Variants in PSMA8 observed in about 807,000 individuals in gnomAD.
PSMA8 encodes the protein proteasome 20S subunit alpha 8, also known as proteasome subunit alpha-type 8.
A neutral mutation model predicts 32.4 loss-of-function variants in PSMA8; 18 were observed. The observed-to-expected ratio is 0.56, with a 90% CI of 0.38 to 0.82. PSMA8 has a LOEUF of 0.82. Ranked by LOEUF, PSMA8 falls within the 40% of genes least tolerant of loss-of-function variation. The pLI is 0.00. For missense variants in PSMA8, 298 were observed against 300.7 expected, an observed-to-expected ratio of 0.99 and a Z score of 0.07; for synonymous variants, 104 against 98.1, an observed-to-expected ratio of 1.06 and a Z score of -0.36.
At chr18:26,151,267 A>G (rs1032640973) in intron 2 of PSMA8, among the ~76,000 whole-genome samples, 2 of 152,242 alleles carry the variant, frequency 1.3e-5, no homozygotes, top group Non-Finnish European at 2.9e-5. Flanking sequence ...GAGGAGGGAA[A>G]GAAACAAAGT....
chr18:26,154,602 T>G, intron 3 of PSMA8, among the ~76,000 whole-genome samples: 1 of 151,936 alleles, frequency 6.6e-6, no homozygotes, highest in South Asian at 2.1e-4. Flanking sequence ...TTTTGGGTTT[T>G]TTGTTTGTTT....
chr18:26,173,541 T>G (rs1016085964), intron 4 of PSMA8, among the ~76,000 whole-genome samples: 1 of 151,928 alleles, frequency 6.6e-6, no homozygotes, highest in African/African-American at 2.4e-5. Context: ...GGTCTATGAG[T>G]GCAGGGATTT....
At chr18:26,167,304 A>G (rs947941625) in intron 4 of PSMA8, among the ~76,000 whole-genome samples, 4 of 152,198 alleles carry the variant, frequency 2.6e-5, no homozygotes, top group Non-Finnish European at 4.4e-5. Flanking sequence ...ACATATTGCA[A>G]TATGTTGAAT....
At chr18:26,177,079 A>G (rs1321670931) in intron 4 of PSMA8, among the ~76,000 whole-genome samples, 1 of 152,198 alleles carries the variant, frequency 6.6e-6, no homozygotes, top group Non-Finnish European at 1.5e-5. Flanking sequence ...ATAGTGTATC[A>G]AGTTAAAAGC....
intron 1 of PSMA8, among the ~76,000 whole-genome samples, chr18:26,138,979 T>C (rs2076363016): frequency 6.6e-6 from 1 of 152,162 alleles, no homozygotes; most frequent in African/African-American, 2.4e-5. Context: ...GAGGTTGAGA[T>C]GCTTATGGAA....
rs544008173 is a variant in PSMA8 at position 26,187,162 on chromosome 18, T to C, written c.661-5157T>C. ...CAGTTTGAGATTAGCCTGGCCAACATGGTGAAAACCCATCTCTACTAAAAA... is the reference window on the plus strand; with the variant it reads ...CAGTTTGAGATTAGCCTGGCCAACACGGTGAAAACCCATCTCTACTAAAAA... On this transcript the variant is annotated intron_variant, in intron 6 of 6. Coordinates refer to ENST00000415576, the MANE Select transcript of PSMA8 (RefSeq NM_001025096.2). Among the ~76,000 whole-genome samples the C allele has an allele frequency of 6.1e-4, 93 of 152,272 alleles. 1 individual carries two copies. Among genetic ancestry groups the C allele is most frequent in the African/African-American group, 2.2e-3 (90 of 41,566 alleles).
intron 4 of PSMA8, among the ~76,000 whole-genome samples, chr18:26,177,079 A>C (rs1321670931): frequency 6.6e-6 from 1 of 152,198 alleles, no homozygotes; most frequent in Non-Finnish European, 1.5e-5. Flanking sequence ...ATAGTGTATC[A>C]AGTTAAAAGC....
intron 1 of PSMA8, chr18:26,140,179 G>A (rs973257367): frequency 8.5e-6 from 6 of 702,286 alleles, no homozygotes; most frequent in African/African-American, 3.5e-5. Context: ...GAGATTTGGG[G>A]TGGGCCTGCC....
intron 3 of PSMA8, among the ~76,000 whole-genome samples, chr18:26,156,768 G>A (rs1173620067): frequency 6.7e-6 from 1 of 149,436 alleles, no homozygotes. Flanking sequence ...CACATACAGA[G>A]TATGCTACTC....
At chr18:26,156,902 T>G (rs1197113765) in intron 3 of PSMA8, among the ~76,000 whole-genome samples, 1 of 151,030 alleles carries the variant, frequency 6.6e-6, no homozygotes, top group East Asian at 1.9e-4. Flanking sequence ...TTCTCCTACC[T>G]CAGCCTCCCC....
intron 6 of PSMA8, among the ~76,000 whole-genome samples, chr18:26,187,073 C>T (rs1457727181): frequency 6.6e-6 from 1 of 152,124 alleles, no homozygotes; most frequent in Non-Finnish European, 1.5e-5. Flanking sequence ...GGCTGGGCAC[C>T]GTGGTTCATG....
At chr18:26,150,641 G>A (rs1466253468) in intron 2 of PSMA8, among the ~76,000 whole-genome samples, 1 of 152,102 alleles carries the variant, frequency 6.6e-6, no homozygotes, top group African/African-American at 2.4e-5. Flanking sequence ...TTTGTTCTCT[G>A]CTAGCCAATT....
At position 26,179,112 on chromosome 18, in the gene PSMA8, A is replaced by T; in HGVS notation, c.642A>T (p.Arg214Ser). The part of the protein sequence containing the change: ...GGKNIELAII[R>S]RNQPLKMFSA... Reference sequence around the variant, plus strand: ...AAAACATTGAACTTGCTATAATAAGAAGAAATCAACCTTTGAAGGTAAGTC... The same window carrying T: ...AAAACATTGAACTTGCTATAATAAGTAGAAATCAACCTTTGAAGGTAAGTC... Residue 214 changes from arginine to serine, a missense_variant, in exon 6 of 7, where the codon AGA becomes AGT. Transcript: ENST00000415576. The T allele has an allele frequency of 2.5e-6, 4 of 1,612,018 alleles. No individual in the cohort carries two copies. The highest frequency in any genetic ancestry group is 3.4e-6 in the Non-Finnish European group (4 of 1,178,740).
At position 26,171,439 on chromosome 18, in the gene PSMA8, T is replaced by A. The variant is rs561521235; in HGVS notation, c.478-7391T>A. On this transcript the variant is annotated intron_variant, in intron 4 of 6. Coordinates refer to ENST00000415576, the MANE Select transcript of PSMA8 (RefSeq NM_001025096.2). The stretch of plus-strand genomic sequence containing the variant: ...TTAAATGAATTAAATTTTTAAAAAA[T>A]TTTCTGAGTTTCGGCCGGGTGCAGT... Among the ~76,000 whole-genome samples, 194 of 152,294 alleles carry A rather than the reference T, an allele frequency of 1.3e-3. 1 individual carries two copies. The highest frequency in any genetic ancestry group is 4.2e-3 in the African/African-American group (175 of 41,568).
At chr18:26,159,241 G>A (rs1178327775) in intron 4 of PSMA8, among the ~76,000 whole-genome samples, 1 of 152,168 alleles carries the variant, frequency 6.6e-6, no homozygotes, top group African/African-American at 2.4e-5. Flanking sequence ...TGTGTTAAAT[G>A]AAGAATTTGA....
At chr18:26,146,097 G>T (rs545165075) in intron 2 of PSMA8, among the ~76,000 whole-genome samples, 1 of 150,352 alleles carries the variant, frequency 6.7e-6, no homozygotes. Context: ...TTTCCCTCAC[G>T]GCTAATAATT....
chr18:26,160,752 C>T (rs543684631), intron 4 of PSMA8, among the ~76,000 whole-genome samples: 3 of 152,298 alleles, frequency 2.0e-5, no homozygotes, highest in African/African-American at 7.2e-5. Context: ...AAGTTATGAA[C>T]ATAAACTGTC....
chr18:26,163,045 G>A (rs963206394), intron 4 of PSMA8, among the ~76,000 whole-genome samples: 3 of 151,392 alleles, frequency 2.0e-5, no homozygotes, highest in East Asian at 1.9e-4. Flanking sequence ...CAAGTATTCA[G>A]TCTATAAATA....
intron 4 of PSMA8, among the ~76,000 whole-genome samples, chr18:26,165,308 G>A (rs1224444006): frequency 1.3e-5 from 2 of 152,190 alleles, no homozygotes; most frequent in African/African-American, 2.4e-5. Context: ...GTATGCGTGC[G>A]CACGCATGCA....
Sources: gnomAD v4.1 joint callset for allele counts (sites outside exome capture counted in the v4.1 genomes callset) on GRCh38, gnomAD v4.1.1 for gene constraint, MANE v1.5 for transcripts, NCBI Gene and HGNC (gene_info 2026-07-23, HGNC 2026-07-21) for gene names.